Variants in CRYBG3 observed in about 807,000 individuals in gnomAD.
The protein encoded by CRYBG3 is very large A-kinase anchor protein.
CRYBG3 carries 127 observed loss-of-function variants against 244.2 expected under a neutral mutation model. That is an observed-to-expected ratio of 0.52 (90% CI 0.45 to 0.60). The LOEUF is 0.60. Among genes scored for constraint, CRYBG3 ranks in the 20% least tolerant of loss-of-function variants. CRYBG3 has a pLI of 0.00. For missense variants in CRYBG3, 3,325 were observed against 3,442.5 expected, an observed-to-expected ratio of 0.97 and a Z score of 0.85; for synonymous variants, 1,132 against 1,195.8, an observed-to-expected ratio of 0.95 and a Z score of 1.10.
In CRYBG3 at chr3:97,899,241, T is replaced by C. The variant is rs766552384; in HGVS notation, c.7949T>C (p.Met2650Thr). The change falls in exon 14 of 22, where the codon ATG (methionine) becomes ACG (threonine). Residue 2650 changes from methionine to threonine, a missense_variant. Around this residue, in one of 4 missense-constraint regions of CRYBG3, gnomAD observed 714 missense variants for 803.6 expected, o/e 0.89. Transcript: ENST00000389622. Reference protein sequence around the residue: ...FDWGGSNNIIMSIRPIQLEPL... With the variant: ...FDWGGSNNIITSIRPIQLEPL... ...TGGGGAGGATCAAATAATATAATCA[T>C]GTCGATACGGCCAATCCAACTGGTG... is the stretch of plus-strand genomic sequence containing the variant. 3 of 1,613,466 alleles carry C rather than the reference T, an allele frequency of 1.9e-6. No homozygotes were observed. The South Asian group carries it at 3.3e-5, about 18-fold the overall frequency.
intron 16 of CRYBG3, among the ~76,000 whole-genome samples, chr3:97,914,255 A>G (rs2039903413): frequency 6.6e-6 from 1 of 152,140 alleles, no homozygotes; most frequent in African/African-American, 2.4e-5. Context: ...CTGCAACTCT[A>G]ATAAGAAATA....
chr3:97,841,319 C>CGCATATATATATGTATATAT (rs1248931139), intron 1 of CRYBG3, among the ~76,000 whole-genome samples: 3 of 149,278 alleles, frequency 2.0e-5, no homozygotes, highest in African/African-American at 4.9e-5. Context: ...TGTGTATATA[C>CGCATATATATATGTATATAT]GCATATATAT....
intron 15 of CRYBG3, among the ~76,000 whole-genome samples, chr3:97,910,260 C>T (rs1163513417): frequency 6.6e-6 from 1 of 152,116 alleles, no homozygotes; most frequent in Non-Finnish European, 1.5e-5. Context: ...CCTCCTTGAG[C>T]TGTGGTGGGC....
In CRYBG3 at chr3:97,912,930, C is replaced by A. The variant is rs575208190; in HGVS notation, c.8114+654C>A. Reference sequence around the variant, plus strand: ...ACCATTTTAACTATCTTTAACTGTACAGTTCATTGGCATCTCTATGTATCA... The same window carrying A: ...ACCATTTTAACTATCTTTAACTGTAAAGTTCATTGGCATCTCTATGTATCA... On this transcript the variant is annotated intron_variant, in intron 16 of 21. Transcript: ENST00000389622. Among the ~76,000 whole-genome samples the A allele has an allele frequency of 4.6e-5, 7 of 152,218 alleles. No individual in the cohort carries two copies. In the South Asian group the frequency reaches 8.3e-4, roughly 18 times the overall value.
chr3:97,940,653 A>G (rs2040218005), intron 19 of CRYBG3, among the ~76,000 whole-genome samples: 2 of 152,044 alleles, frequency 1.3e-5, no homozygotes, highest in African/African-American at 4.8e-5. Context: ...AAGGTCTTAT[A>G]TAAACAAATA....
intron 2 of CRYBG3, among the ~76,000 whole-genome samples, chr3:97,846,173 T>C (rs1282778003): frequency 6.6e-6 from 1 of 152,104 alleles, no homozygotes; most frequent in Non-Finnish European, 1.5e-5. Flanking sequence ...GTTGAAACAC[T>C]TTTTTTTCAA....
rs145178879 is a variant in CRYBG3, at chr3:97,899,622, A to C, written c.7971+359A>C. On this transcript the variant is annotated intron_variant, in intron 14 of 21. Transcript: ENST00000389622. ...TTAATGATAGTATGATTAGTGAGAA[A>C]ATGAAGTGTGTAGGCAGTGCAGGGG... Among the ~76,000 whole-genome samples the C allele has an allele frequency of 8.2e-3, 1,242 of 152,306 alleles. 15 individuals are homozygous for C. Among genetic ancestry groups the C allele is most frequent in the African/African-American group, 0.028 (1,175 of 41,570 alleles).
In CRYBG3 at chr3:97,877,449, G is replaced by A. The variant is rs781766268; in HGVS notation, c.6255G>A (p.Leu2085=). The A allele has an allele frequency of 3.1e-6, 5 of 1,614,098 alleles. No homozygotes were observed. The highest frequency in any genetic ancestry group is 4.2e-6 in the Non-Finnish European group (5 of 1,180,006). Residue 2085 remains leucine, a synonymous_variant, in exon 4 of 22, where the codon TTG becomes TTA. Transcript: ENST00000389622. ...AKRYKIYPLA[L]SPIYEDDSSQ... ...GGTACAAAATTTATCCTTTAGCATT[G>A]TCTCCCATTTATGAGGATGACAGCT... is the stretch of plus-strand genomic sequence containing the variant.
chr3:97,923,534 T>A (rs1327911478), intron 17 of CRYBG3, among the ~76,000 whole-genome samples: 2 of 151,982 alleles, frequency 1.3e-5, no homozygotes, highest in African/African-American at 4.8e-5. Flanking sequence ...AAGGTCTCCC[T>A]ATTACCACTA....
In CRYBG3 at chr3:97,899,157, A is replaced by C. The variant is rs2108239170; in HGVS notation, c.7865A>C (p.Lys2622Thr). 6.2e-7 allele frequency: 1 copy of C among 1,611,318 alleles called. No homozygotes were observed. Among genetic ancestry groups the C allele is most frequent in the Non-Finnish European group, 8.5e-7 (1 of 1,179,322 alleles). Reference sequence around the variant, plus strand: ...ACTAGATGGGTTGCCTACCAGCAAAAGTTCTTCTGTGGAGAACAATACATT... The same window carrying C: ...ACTAGATGGGTTGCCTACCAGCAAACGTTCTTCTGTGGAGAACAATACATT... ...KSGVWVAYQQ[K>T]FFCGEQYILE... The change falls in exon 14 of 22, where the codon AAG (lysine) becomes ACG (threonine). Residue 2622 changes from lysine (K) to threonine (T), a missense_variant. Physicochemically the swap from Lys to Thr is moderately conservative, Grantham distance 78. This residue lies in a region of CRYBG3 where 714 missense variants were observed against 803.6 expected (regional missense o/e 0.89). Transcript: ENST00000389622.
In CRYBG3 at chr3:97,920,531, C is replaced by A. The variant is rs139976215; in HGVS notation, c.8241+4795C>A. Among the ~76,000 whole-genome samples the A allele has an allele frequency of 2.4e-3, 362 of 152,046 alleles. 2 individuals are homozygous for A. Among genetic ancestry groups the A allele is most frequent in the African/African-American group, 8.5e-3 (352 of 41,522 alleles). On this transcript the variant is annotated intron_variant, in intron 17 of 21. Transcript: ENST00000389622. Reference sequence around the variant, plus strand: ...TGTTGAAAGCAATCATCATTACCCCCCTCCCCCCACTTTTTTTAGATAGAG... The same window carrying A: ...TGTTGAAAGCAATCATCATTACCCCACTCCCCCCACTTTTTTTAGATAGAG...
intron 10 of CRYBG3, among the ~76,000 whole-genome samples, chr3:97,891,165 A>G (rs776260917): frequency 6.6e-6 from 1 of 152,148 alleles, no homozygotes; most frequent in Non-Finnish European, 1.5e-5. Context: ...TATACCCTGG[A>G]ATCTCAAGAG....
chr3:97,943,338 T>G lies in CRYBG3; in HGVS notation c.*24T>G, dbSNP rs953706471. The G allele has an allele frequency of 1.1e-5, 15 of 1,358,116 alleles. No homozygotes were observed. The highest frequency in any genetic ancestry group is 1.6e-5 in the Non-Finnish European group (15 of 952,746). The allele number at this position is 1,358,116 out of a possible 1,614,324, so 84.1% of individuals were successfully genotyped here. The stretch of plus-strand genomic sequence containing the variant: ...GAGAGAATCAACATCCCTAGAAAGA[T>G]CCCTAGAAAGAGCAAAGAAGGAAAC... On this transcript the variant is annotated 3_prime_UTR_variant, in exon 22 of 22. Transcript: ENST00000389622.
intron 15 of CRYBG3, among the ~76,000 whole-genome samples, chr3:97,904,146 A>T (rs937133086): frequency 1.1e-4 from 16 of 152,196 alleles, no homozygotes; most frequent in Admixed American, 7.2e-4. Flanking sequence ...AGAAACCACA[A>T]GTTAATTATT....
chr3:97,941,193 C>A lies in CRYBG3; in HGVS notation c.8551C>A (p.Leu2851Met). 2.5e-6 allele frequency: 4 copies of A among 1,611,714 alleles called. No individual in the cohort carries two copies. Among genetic ancestry groups the A allele is most frequent in the Non-Finnish European group, 3.4e-6 (4 of 1,178,432 alleles). The change falls in exon 20 of 22, where the codon CTG (leucine) becomes ATG (methionine). Residue 2851 changes from leucine to methionine, a missense_variant. By Grantham distance (15) the Leu-to-Met change is conservative. Coordinates refer to ENST00000389622, the MANE Select transcript of CRYBG3 (RefSeq NM_153605.4). Reference sequence around the variant, plus strand: ...AAAGAACCGTGCCCAGGGTGAATATCTGACAGTCACTGGAAGTCTAGCAGA... The same window carrying A: ...AAAGAACCGTGCCCAGGGTGAATATATGACAGTCACTGGAAGTCTAGCAGA... ...RIKNRAQGEY[L>M]TVTGSLADTR...
chr3:97,902,756 G>A (rs995268997), intron 15 of CRYBG3, among the ~76,000 whole-genome samples: 62 of 152,072 alleles, frequency 4.1e-4, no homozygotes, highest in African/African-American at 1.5e-3. Context: ...ACTGAAGGTT[G>A]GTCGCTATGT....
chr3:97,894,458 G>T (rs1291813250), intron 11 of CRYBG3, among the ~76,000 whole-genome samples: 4 of 151,972 alleles, frequency 2.6e-5, no homozygotes, highest in Non-Finnish European at 4.4e-5. Flanking sequence ...TTATTTAATT[G>T]TATCTGTAGG....
At chr3:97,885,667 A>G (rs921662637) in intron 7 of CRYBG3, among the ~76,000 whole-genome samples, 1 of 152,196 alleles carries the variant, frequency 6.6e-6, no homozygotes, top group African/African-American at 2.4e-5. Context: ...TAGGGGAAAC[A>G]TCTGCAAAGC....
In CRYBG3 at chr3:97,877,471, A is replaced by C. The variant is rs535741821; in HGVS notation, c.6277A>C (p.Ser2093Arg). ...ATTGTCTCCCATTTATGAGGATGAC[A>C]GCTCACAGGAGGACATTCTATCTAG... is the stretch of plus-strand genomic sequence containing the variant. ...LALSPIYEDD[S>R]SQEDILSSEV... is the part of the protein sequence containing the mutation. Residue 2093 changes from serine to arginine, a missense_variant, in exon 4 of 22, where the codon AGC (serine) becomes CGC (arginine). Coordinates refer to ENST00000389622, the MANE Select transcript of CRYBG3 (RefSeq NM_153605.4). 129 of 1,614,220 alleles carry C rather than the reference A, an allele frequency of 8.0e-5. No homozygotes were observed. The highest frequency in any genetic ancestry group is 4.9e-4 in the Middle Eastern group (3 of 6,062).
Sources: allele counts gnomAD v4.1 joint callset (sites outside exome capture counted in the v4.1 genomes callset), GRCh38; gene constraint gnomAD v4.1.1; regional missense constraint gnomAD v4.1.1; transcripts MANE v1.5; gene names NCBI Gene and HGNC (gene_info 2026-07-23, HGNC 2026-07-21).